SLC7A6: variants seen among roughly 807,000 people sequenced by gnomAD.
SLC7A6 encodes the protein solute carrier family 7 member 6.
In SLC7A6, 29 loss-of-function variants were observed where a neutral mutation model predicts 46.6. The observed-to-expected ratio is 0.62, with a 90% confidence interval of 0.46 to 0.85. The LOEUF is 0.85. Among genes scored for constraint, SLC7A6 ranks in the 40% least tolerant of loss-of-function variants. SLC7A6 has a pLI of 0.00. For missense variants in SLC7A6, 527 were observed against 647.6 expected, an observed-to-expected ratio of 0.81 and a Z score of 2.02; for synonymous variants, 276 against 257.3, an observed-to-expected ratio of 1.07 and a Z score of -0.70.
chr16:68,285,045 C>A (rs2042903787), intron 3 of SLC7A6, among the ~76,000 whole-genome samples: 1 of 151,350 alleles, frequency 6.6e-6, no homozygotes, highest in Non-Finnish European at 1.5e-5. Context: ...CCCTGTCTGT[C>A]TTTTTGTCTA....
chr16:68,268,962 G>A (rs918823451), intron 2 of SLC7A6, among the ~76,000 whole-genome samples: 3 of 151,934 alleles, frequency 2.0e-5, no homozygotes, highest in Admixed American at 6.6e-5. Context: ...AGCCAAGATC[G>A]CGTCATTGCA....
At chr16:68,269,895 A>G (rs2042596147) in intron 2 of SLC7A6, among the ~76,000 whole-genome samples, 1 of 151,996 alleles carries the variant, frequency 6.6e-6, no homozygotes, top group Non-Finnish European at 1.5e-5. Context: ...TTCTGAGTAA[A>G]TAGCTGGGGC....
chr16:68,288,154 C>A (rs970287865), intron 4 of SLC7A6, among the ~76,000 whole-genome samples: 1 of 152,118 alleles, frequency 6.6e-6, no homozygotes, highest in African/African-American at 2.4e-5. Flanking sequence ...AAGCTTGGGT[C>A]ATGATTGGGT....
Position 68,274,945 on chromosome 16 carries a change from C to T in SLC7A6, c.219C>T (p.His73=), listed in dbSNP as rs1190195762. ...IFVSPKGVLV[H]TASYGMSLIV... Reference sequence around the variant, plus strand: ...TCTCACCCAAGGGTGTGCTGGTACACACTGCCTCCTATGGGATGTCACTGA... The same window carrying T: ...TCTCACCCAAGGGTGTGCTGGTACATACTGCCTCCTATGGGATGTCACTGA... The change falls in exon 3 of 11, where the codon CAC becomes CAT. Residue 73 remains histidine, a synonymous_variant. Coordinates refer to ENST00000219343, the MANE Select transcript of SLC7A6 (RefSeq NM_003983.6). 2 of 1,614,234 alleles carry T rather than the reference C, an allele frequency of 1.2e-6. No homozygotes were observed. The highest frequency in any genetic ancestry group is 1.7e-5 in the Admixed American group (1 of 60,028).
chr16:68,290,567 C>A, intron 5 of SLC7A6, 27 bp downstream of exon 5: 1 of 1,613,550 alleles, frequency 6.2e-7, no homozygotes, highest in Non-Finnish European at 8.5e-7. Context: ...ACTCTCACTC[C>A]CCAGCTTGGC....
chr16:68,277,316 TTTTATTTATTTA>T (rs71145991), intron 3 of SLC7A6, among the ~76,000 whole-genome samples: 2 of 135,884 alleles, frequency 1.5e-5, no homozygotes, highest in Non-Finnish European at 3.1e-5. Context: ...AGAAGAGTAC[TTTTATTTATTTA>T]TTTATTTATT....
rs141923452 is a variant in SLC7A6 at position 68,287,828 on chromosome 16, G to A, written c.606G>A (p.Ala202=). The change falls in exon 4 of 11, where the codon GCG becomes GCA. Residue 202 remains alanine, a synonymous_variant. Transcript: ENST00000219343. ...CGTTCACTTACGCCAAGGTCGTAGCGCTCATTGCCATCATTGTCATGGGCC... is the reference window on the plus strand; with the variant it reads ...CGTTCACTTACGCCAAGGTCGTAGCACTCATTGCCATCATTGTCATGGGCC... ...QDTFTYAKVV[A]LIAIIVMGLV... is the part of the protein sequence containing the mutation. 1.4e-4 allele frequency: 222 copies of A among 1,614,088 alleles called. No homozygotes were observed. Among genetic ancestry groups the A allele is most frequent in the Admixed American group, 1.2e-3 (74 of 59,998 alleles).
intron 2 of SLC7A6, chr16:68,273,166 T>A (rs1454308357): frequency 6.6e-6 from 1 of 152,130 alleles, no homozygotes; most frequent in African/African-American, 2.4e-5. Context: ...GAGTTTTGGG[T>A]GGGGACTGTG....
At position 68,264,795 on chromosome 16, in the gene SLC7A6, G is replaced by C. The variant is rs990763058; in HGVS notation, c.-166+219G>C. The stretch of plus-strand genomic sequence containing the variant: ...GACCTCGAGCGTGAGGGCCGAGTGT[G>C]GGAGAAACGCTGTATGGGTGCGAGC... On this transcript the variant is annotated intron_variant, in intron 1 of 10. Coordinates refer to ENST00000219343, the MANE Select transcript of SLC7A6 (RefSeq NM_003983.6). The surrounding 1 kb of genome is among the most constrained non-coding windows in gnomAD (Gnocchi z 5.8). The C allele has an allele frequency of 7.9e-5, 12 of 152,542 alleles. No individual in the cohort carries two copies. The highest frequency in any genetic ancestry group is 2.9e-4 in the African/African-American group (12 of 41,470). 9.4% of individuals were successfully genotyped at this position (152,542 alleles called of 1,614,324 possible).
intron 7 of SLC7A6, 29 bp downstream of exon 7, chr16:68,291,690 G>T (rs1477068588): frequency 6.3e-7 from 1 of 1,587,442 alleles, no homozygotes. Flanking sequence ...ACTGATAATA[G>T]ACCACAATAT....
chr16:68,279,833 G>A (rs1180966868), intron 3 of SLC7A6, among the ~76,000 whole-genome samples: 2 of 152,224 alleles, frequency 1.3e-5, no homozygotes, highest in Non-Finnish European at 2.9e-5. Flanking sequence ...GCCTGTAAGT[G>A]TGGGCCCGCC....
intron 3 of SLC7A6, among the ~76,000 whole-genome samples, chr16:68,286,227 A>G (rs892011308): frequency 6.6e-6 from 1 of 152,122 alleles, no homozygotes; most frequent in African/African-American, 2.4e-5. Flanking sequence ...AGGTGTCTAC[A>G]TGATGATAGC....
At chr16:68,291,956 C>T in intron 7 of SLC7A6, 1 of 328,754 alleles carries the variant, frequency 3.0e-6, no homozygotes, top group Non-Finnish European at 5.6e-6. Context: ...ATTTTGTGTG[C>T]TGGTAGCTCA....
At chr16:68,288,591 C>T (rs1472904740) in intron 4 of SLC7A6, among the ~76,000 whole-genome samples, 1 of 152,116 alleles carries the variant, frequency 6.6e-6, no homozygotes, top group African/African-American at 2.4e-5. Context: ...TGTGTACAGT[C>T]ACCCGGGGAG....
Position 68,296,737 on chromosome 16 carries a change from T to A in SLC7A6, c.1380T>A (p.Ser460=). 1 of 1,614,228 alleles carries A rather than the reference T, an allele frequency of 6.2e-7. No individual in the cohort carries two copies. ...NSLIGIGIAL[S]GVPFYFMGVY... is the part of the protein sequence containing the mutation. ...TCATTGGCATCGGGATTGCCCTTTC[T>A]GGAGTCCCTTTCTACTTCATGGGTG... The change falls in exon 10 of 11, where the codon TCT becomes TCA. Residue 460 remains serine (S), a synonymous_variant. Coordinates refer to ENST00000219343, the MANE Select transcript of SLC7A6 (RefSeq NM_003983.6).
intron 3 of SLC7A6, among the ~76,000 whole-genome samples, chr16:68,285,283 C>T (rs1280157722): frequency 6.6e-6 from 1 of 152,134 alleles, no homozygotes; most frequent in Non-Finnish European, 1.5e-5. Flanking sequence ...CTGGCTCCAT[C>T]AGTCATGATA....
At chr16:68,291,804 G>A in intron 7 of SLC7A6, 143 bp downstream of exon 7, 1 of 387,646 alleles carries the variant, frequency 2.6e-6, no homozygotes, top group Non-Finnish European at 4.4e-6. Context: ...TGTGTGTTTG[G>A]TATGTGGGCA....
chr16:68,289,391 C>A (rs2043003027), intron 4 of SLC7A6, among the ~76,000 whole-genome samples: 2 of 152,152 alleles, frequency 1.3e-5, no homozygotes, highest in African/African-American at 4.8e-5. Flanking sequence ...TAGAGCTAGC[C>A]ATGTGGATGT....
chr16:68,267,896 T>A (rs572666991), intron 2 of SLC7A6, among the ~76,000 whole-genome samples: 1 of 152,168 alleles, frequency 6.6e-6, no homozygotes, highest in Non-Finnish European at 1.5e-5. Flanking sequence ...CTCATGCCTA[T>A]GTAATGAAGC....
Sources: allele counts gnomAD v4.1 joint callset (sites outside exome capture counted in the v4.1 genomes callset), GRCh38; gene constraint gnomAD v4.1.1; non-coding constraint Gnocchi (gnomAD v3.1); transcripts MANE v1.5; gene names NCBI Gene and HGNC (gene_info 2026-07-23, HGNC 2026-07-21).